Variants in ALCAM observed in about 807,000 individuals in gnomAD.
ALCAM encodes the protein activated leukocyte cell adhesion molecule.
A neutral mutation model predicts 70.9 loss-of-function variants in ALCAM; 30 were observed. The ratio of observed to expected loss-of-function variants is 0.42; its 90% CI spans 0.32 to 0.57. The LOEUF is 0.57. Among genes scored for constraint, ALCAM ranks in the 20% least tolerant of loss-of-function variants. The probability of loss-of-function intolerance (pLI) is 0.11; values close to 1 mark genes in which losing one functional copy is unlikely to be tolerated. For missense variants in ALCAM, 591 were observed against 695.1 expected, an observed-to-expected ratio of 0.85 and a Z score of 1.68; for synonymous variants, 249 against 242.5, an observed-to-expected ratio of 1.03 and a Z score of -0.25.
At chr3:105,462,742 G>A (rs928659410) in intron 1 of ALCAM, among the ~76,000 whole-genome samples, 1 of 151,270 alleles carries the variant, frequency 6.6e-6, no homozygotes, top group African/African-American at 2.4e-5. Flanking sequence ...ACATCATCAA[G>A]CAGTTGAAAG....
At chr3:105,382,328 C>G (rs1370445842) in intron 1 of ALCAM, among the ~76,000 whole-genome samples, 5 of 151,988 alleles carry the variant, frequency 3.3e-5, no homozygotes, top group Admixed American at 3.3e-4. Context: ...TTTTCTTAAT[C>G]CAGTCTATCA....
At chr3:105,407,471 A>T (rs1308963333) in intron 1 of ALCAM, among the ~76,000 whole-genome samples, 1 of 152,164 alleles carries the variant, frequency 6.6e-6, no homozygotes, top group Non-Finnish European at 1.5e-5. Flanking sequence ...AACAAAAATC[A>T]CATGATCATC....
At chr3:105,490,514 T>G (rs1938552547) in intron 1 of ALCAM, among the ~76,000 whole-genome samples, 1 of 152,196 alleles carries the variant, frequency 6.6e-6, no homozygotes, top group African/African-American at 2.4e-5. Context: ...TCTGTTCACA[T>G]TTGAAGCACT....
In ALCAM at chr3:105,367,359, C is replaced by T; in HGVS notation, c.-50C>T. On this transcript the variant is annotated 5_prime_UTR_variant, in exon 1 of 16. Transcript: ENST00000306107. The stretch of plus-strand genomic sequence containing the variant: ...CACCGCGGGGCCCGGGACGACGCCC[C>T]CTCCTGCGGCGTGGACTCCGTCAGT... The T allele has an allele frequency of 6.3e-7, 1 of 1,597,180 alleles. No individual in the cohort carries two copies. The highest frequency in any genetic ancestry group is 8.6e-7 in the Non-Finnish European group (1 of 1,168,450).
Position 105,418,757 on chromosome 3 carries a change from G to A in ALCAM, c.73+51276G>A, listed in dbSNP as rs184760198. Among the ~76,000 whole-genome samples the A allele has an allele frequency of 2.4e-3, 359 of 151,696 alleles. 3 individuals carry two copies. Among genetic ancestry groups the A allele is most frequent in the African/African-American group, 8.3e-3 (345 of 41,432 alleles). The stretch of plus-strand genomic sequence containing the variant: ...ATGCTTTTAAAAATATAGAGCAAAA[G>A]CAGTGATTGATACTATAGATCTTCA... On this transcript the variant is annotated intron_variant, in intron 1 of 15. Transcript: ENST00000306107.
chr3:105,367,380 T>G lies in ALCAM; in HGVS notation c.-29T>G. 6.2e-7 allele frequency: 1 copy of G among 1,612,324 alleles called. No homozygotes were observed. The highest frequency in any genetic ancestry group is 1.1e-5 in the South Asian group (1 of 91,002). ...GCCCCCTCCTGCGGCGTGGACTCCG[T>G]CAGTGGCCCACCAAGAAGGAGGAGG... On this transcript the variant is annotated 5_prime_UTR_variant, in exon 1 of 16. Transcript: ENST00000306107.
intron 1 of ALCAM, among the ~76,000 whole-genome samples, chr3:105,372,686 A>G (rs1935265383): frequency 6.6e-6 from 1 of 152,162 alleles, no homozygotes; most frequent in African/African-American, 2.4e-5. Context: ...CTTCAACACA[A>G]TGAAACTAAA....
At chr3:105,414,073 T>C (rs1452511121) in intron 1 of ALCAM, among the ~76,000 whole-genome samples, 1 of 152,046 alleles carries the variant, frequency 6.6e-6, no homozygotes, top group South Asian at 2.1e-4. Flanking sequence ...ACACAGAGGT[T>C]AATTTACGGT....
chr3:105,496,639 TCTG>T (rs1938746729), intron 1 of ALCAM, among the ~76,000 whole-genome samples: 1 of 152,328 alleles, frequency 6.6e-6, no homozygotes, highest in Admixed American at 6.5e-5. Context: ...TCACTGGTTC[TCTG>T]CAAGGTCTTT....
chr3:105,369,916 G>A (rs938854199), intron 1 of ALCAM, among the ~76,000 whole-genome samples: 1 of 152,082 alleles, frequency 6.6e-6, no homozygotes, highest in African/African-American at 2.4e-5. Context: ...CAACATCCGA[G>A]ATAGCAATAT....
At chr3:105,386,044 C>G (rs1205909415) in intron 1 of ALCAM, among the ~76,000 whole-genome samples, 2 of 151,542 alleles carry the variant, frequency 1.3e-5, no homozygotes, top group Non-Finnish European at 3.0e-5. Context: ...ATGATCTGCT[C>G]TAAACTTAGG....
chr3:105,534,921 C>T (rs2152627606), intron 6 of ALCAM, 76 bp downstream of exon 6: 3 of 1,350,240 alleles, frequency 2.2e-6, no homozygotes, highest in African/African-American at 1.5e-5. Context: ...CTTTGAGGTC[C>T]CAATCCAATT....
At chr3:105,472,174 G>A (rs1937953561) in intron 1 of ALCAM, among the ~76,000 whole-genome samples, 1 of 151,160 alleles carries the variant, frequency 6.6e-6, no homozygotes, top group African/African-American at 2.4e-5. Flanking sequence ...TGTAGGCCTA[G>A]TTTTTTTGTT....
chr3:105,552,076 T>G, intron 12 of ALCAM, 68 bp from the exon 13 acceptor site: 1 of 1,140,800 alleles, frequency 8.8e-7, no homozygotes, highest in South Asian at 1.5e-5. Flanking sequence ...CATACTATAA[T>G]GGTAAAGGTG....
chr3:105,519,875 A>G (rs750669521), intron 1 of ALCAM, among the ~76,000 whole-genome samples, 192 bp from the exon 2 acceptor site: 3 of 152,218 alleles, frequency 2.0e-5, no homozygotes, highest in Non-Finnish European at 2.9e-5. Flanking sequence ...GTAGCTAAAT[A>G]GAAAGGTGGT....
intron 14 of ALCAM, among the ~76,000 whole-genome samples, chr3:105,565,466 A>C (rs573454662): frequency 4.6e-5 from 7 of 152,126 alleles, no homozygotes; most frequent in Non-Finnish European, 8.8e-5. Flanking sequence ...TCTCAGTCCT[A>C]AATATTCAAC....
chr3:105,432,362 C>T (rs1992219), intron 1 of ALCAM, among the ~76,000 whole-genome samples: 1 of 152,036 alleles, frequency 6.6e-6, no homozygotes, highest in Non-Finnish European at 1.5e-5. Flanking sequence ...ACATAAACTT[C>T]AATGTTCATA....
At chr3:105,489,420 A>G (rs1938523272) in intron 1 of ALCAM, among the ~76,000 whole-genome samples, 1 of 152,170 alleles carries the variant, frequency 6.6e-6, no homozygotes, top group Admixed American at 6.6e-5. Flanking sequence ...CAAAAGTCAG[A>G]CTTTTGGCCA....
chr3:105,391,455 A>G lies in ALCAM; in HGVS notation c.73+23974A>G, dbSNP rs542480527. On this transcript the variant is annotated intron_variant, in intron 1 of 15. Transcript: ENST00000306107. ...TTTTGTACATTGATTTTGTATCCTGAGACTTTGCTGAGGTTGCTTATCAGC... is the reference window on the plus strand; with the variant it reads ...TTTTGTACATTGATTTTGTATCCTGGGACTTTGCTGAGGTTGCTTATCAGC... Among the ~76,000 whole-genome samples the G allele has an allele frequency of 7.8e-4, 118 of 152,110 alleles. No homozygotes were observed. In the Middle Eastern group the frequency reaches 0.027, roughly 35 times the overall value.
Sources: gnomAD v4.1 joint callset for allele counts (sites outside exome capture counted in the v4.1 genomes callset) on GRCh38, gnomAD v4.1.1 for gene constraint, MANE v1.5 for transcripts, NCBI Gene and HGNC (gene_info 2026-07-23, HGNC 2026-07-21) for gene names.